The following STAB2 variants were observed in gnomAD, a reference collection of about 807,000 sequenced individuals.
STAB2 encodes stabilin-2.
Under a neutral mutation model 338.1 loss-of-function variants are expected in STAB2, and 288 were observed. The ratio of observed to expected loss-of-function variants is 0.85; its 90% confidence interval spans 0.77 to 0.94. STAB2 has a LOEUF of 0.94. STAB2 is among the 40% of genes least tolerant of loss of function. STAB2 has a pLI of 0.00. For missense variants in STAB2, 3,141 were observed against 3,210.1 expected (o/e 0.98, Z 0.52); for synonymous variants, 1,202 against 1,193.3 (o/e 1.01, Z -0.15).
chr12:103,727,316 C>T lies in STAB2; in HGVS notation c.4901C>T (p.Ala1634Val), dbSNP rs151168605. The T allele has an allele frequency of 1.6e-5, 26 of 1,614,134 alleles. No homozygotes were observed. The highest frequency in any genetic ancestry group is 1.0e-4 in the Admixed American group (6 of 60,008). ...LVGPGPFTVF[A>V]PLSAAFDEEA... ...GGCCCAGGCCCCTTCACTGTTTTTG[C>T]ACCTTTATCTGCAGCCTTTGATGAG... The change falls in exon 47 of 69, where the codon GCA becomes GTA. Residue 1634 changes from alanine (A) to valine (V), a missense_variant. By Grantham distance (64) the Ala-to-Val change is moderately conservative. Transcript: ENST00000388887.
At chr12:103,744,575 T>G (rs1236253905) in intron 56 of STAB2, among the ~76,000 whole-genome samples, 1 of 149,266 alleles carries the variant, frequency 6.7e-6, no homozygotes, top group Non-Finnish European at 1.5e-5. Context: ...CAAGCAGTCC[T>G]CCCATCCCAG....
At chr12:103,706,720 G>A in intron 37 of STAB2, 72 bp from the exon 38 acceptor site, 3 of 1,587,388 alleles carry the variant, frequency 1.9e-6, no homozygotes, top group Non-Finnish European at 2.6e-6. Flanking sequence ...ACCCACAGCA[G>A]GATTTCTACA....
At chr12:103,589,100 T>C (rs941272871) in intron 1 of STAB2, among the ~76,000 whole-genome samples, 1 of 152,006 alleles carries the variant, frequency 6.6e-6, no homozygotes, top group African/African-American at 2.4e-5. Flanking sequence ...CTGCCCTACT[T>C]ATCTTCAGAG....
In STAB2 at chr12:103,675,948, A is replaced by G; in HGVS notation, c.2573A>G (p.Tyr858Cys). The change falls in exon 24 of 69, where the codon TAT (tyrosine) becomes TGT (cysteine). Residue 858 changes from tyrosine (Y) to cysteine (C), a missense_variant. Transcript: ENST00000388887. ...TGCAGTTGTATTTGCAAAGCAGGAT[A>G]TGAAGGAGATGGAACTCTGTGTTCT... ...GTASCICKAG[Y>C]EGDGTLCSEM... is the part of the protein sequence containing the mutation. 5 of 1,611,018 alleles carry G rather than the reference A, an allele frequency of 3.1e-6. No homozygotes were observed. Among genetic ancestry groups the G allele is most frequent in the Non-Finnish European group, 4.2e-6 (5 of 1,178,312 alleles).
chr12:103,690,561 GT>G, intron 30 of STAB2, 23 bp downstream of exon 30: 1 of 1,594,312 alleles, frequency 6.3e-7, no homozygotes, highest in Non-Finnish European at 8.6e-7. Flanking sequence ...GAATTTGTCT[GT>G]TTACTTGAAA....
At chr12:103,669,287 C>G (rs1041707569) in intron 20 of STAB2, 8 of 424,596 alleles carry the variant, frequency 1.9e-5, no homozygotes, top group African/African-American at 4.0e-5. Flanking sequence ...AACGTTGGCT[C>G]CACAAGCATG....
chr12:103,733,312 T>A, intron 51 of STAB2, 130 bp downstream of exon 51: 1 of 1,066,202 alleles, frequency 9.4e-7, no homozygotes, highest in Non-Finnish European at 1.4e-6. Context: ...AGCCACAGCA[T>A]CCCCTGCCCC....
intron 17 of STAB2, 139 bp downstream of exon 17, chr12:103,660,902 T>C: frequency 1.1e-6 from 1 of 930,044 alleles, no homozygotes; most frequent in Admixed American, 2.0e-5. Flanking sequence ...TGCTCACTTC[T>C]CTCAGCAGAT....
At chr12:103,722,099 C>T (rs181317567) in intron 44 of STAB2, among the ~76,000 whole-genome samples, 86 of 152,168 alleles carry the variant, frequency 5.7e-4, no homozygotes, top group Admixed American at 4.0e-3. Context: ...ACAAACATAG[C>T]GGTCATTGGC....
chr12:103,652,371 T>C (rs17502807), intron 11 of STAB2, among the ~76,000 whole-genome samples, 185 bp from the exon 12 acceptor site: 4,039 of 152,316 alleles, frequency 0.027, 89 homozygotes, highest in Non-Finnish European at 0.038. Flanking sequence ...CCCAGGTTGA[T>C]TGCACTGATG....
Position 103,706,849 on chromosome 12 carries a change from G to T in STAB2, c.4054G>T (p.Ala1352Ser). The T allele has an allele frequency of 6.2e-7, 1 of 1,614,258 alleles. No homozygotes were observed. Among genetic ancestry groups the T allele is most frequent in the East Asian group, 2.2e-5 (1 of 44,888 alleles). The stretch of plus-strand genomic sequence containing the variant: ...CCAATGCCAGCCCTGCCCAGGGAAT[G>T]CCCAGAATGTCTGCTTTGGTAATGG... ...GPQCQPCPGN[A>S]QNVCFGNGIC... Residue 1352 changes from alanine to serine, a missense_variant, in exon 38 of 69, where the codon GCC becomes TCC. Coordinates refer to ENST00000388887, the MANE Select transcript of STAB2 (RefSeq NM_017564.10).
At chr12:103,666,465 T>C (rs1875113926) in intron 19 of STAB2, 112 bp downstream of exon 19, 11 of 1,120,970 alleles carry the variant, frequency 9.8e-6, no homozygotes, top group African/African-American at 1.5e-5. Context: ...GCTGGGGTAA[T>C]ATAAGATGGG....
In STAB2 at chr12:103,712,413, G is replaced by A. The variant is rs1221891736; in HGVS notation, c.4381G>A (p.Gly1461Arg). The change falls in exon 41 of 69, where the codon GGA (glycine) becomes AGA (arginine). Residue 1461 changes from glycine to arginine, a missense_variant. Transcript: ENST00000388887. The stretch of plus-strand genomic sequence containing the variant: ...TACAGCTTCATGCAAGTGTGCAGCA[G>A]GATTCCAAGGAAACGGGACCATCTG... ...DGTASCKCAA[G>R]FQGNGTICTA... The A allele has an allele frequency of 1.2e-6, 2 of 1,614,098 alleles. No individual in the cohort carries two copies. The highest frequency in any genetic ancestry group is 1.7e-6 in the Non-Finnish European group (2 of 1,179,978).
At chr12:103,623,491 T>C (rs1336937509) in intron 5 of STAB2, among the ~76,000 whole-genome samples, 1 of 151,670 alleles carries the variant, frequency 6.6e-6, no homozygotes, top group African/African-American at 2.4e-5. Flanking sequence ...AGAAGAGGAG[T>C]GTCAGAGTTA....
At chr12:103,686,869 C>T (rs1877482843) in intron 27 of STAB2, among the ~76,000 whole-genome samples, 1 of 152,148 alleles carries the variant, frequency 6.6e-6, no homozygotes, top group African/African-American at 2.4e-5. Context: ...CCATGTTCCT[C>T]TCTCTCCTCC....
At chr12:103,704,764 G>A (rs1879193777) in intron 36 of STAB2, 150 bp downstream of exon 36, 1 of 683,956 alleles carries the variant, frequency 1.5e-6, no homozygotes, top group African/African-American at 1.9e-5. Context: ...ATGCATCTTT[G>A]TAAAATCTTA....
chr12:103,670,622 A>T, intron 21 of STAB2, 74 bp from the exon 22 acceptor site: 2 of 1,156,844 alleles, frequency 1.7e-6, no homozygotes, highest in Non-Finnish European at 2.6e-6. Context: ...GAATTCAAAG[A>T]AGTCAGGCCA....
intron 3 of STAB2, among the ~76,000 whole-genome samples, chr12:103,605,292 T>C (rs1202779786): frequency 6.6e-6 from 1 of 151,826 alleles, no homozygotes; most frequent in Non-Finnish European, 1.5e-5. Flanking sequence ...ACACATACAT[T>C]ATTTGAATCC....
chr12:103,725,613 C>CT (rs397933827), intron 45 of STAB2, among the ~76,000 whole-genome samples: 2 of 151,190 alleles, frequency 1.3e-5, no homozygotes, highest in African/African-American at 4.9e-5. Flanking sequence ...CGTGTGTGTG[C>CT]TTGTGTGTGC....
Sources: allele counts gnomAD v4.1 joint callset (sites outside exome capture counted in the v4.1 genomes callset), GRCh38; gene constraint gnomAD v4.1.1; transcripts MANE v1.5; gene names NCBI Gene and HGNC (gene_info 2026-07-23, HGNC 2026-07-21).